The following CCDC148 variants were observed in gnomAD, a reference collection of about 807,000 sequenced individuals.
The protein encoded by CCDC148 is coiled-coil domain-containing protein 148.
In CCDC148, 89 loss-of-function variants were observed where a neutral mutation model predicts 85.7. That is an observed-to-expected ratio of 1.04 (90% CI 0.87 to 1.24). The LOEUF (loss-of-function observed/expected upper bound fraction) is 1.24, where lower values mean the gene tolerates loss of function less well. Ranked by LOEUF, CCDC148 falls within the 50% of genes most tolerant of loss-of-function variation. CCDC148 has a pLI of 0.00. For synonymous variants in CCDC148, 230 were observed against 213.9 expected, an observed-to-expected ratio of 1.08 and a Z score of -0.66; for missense variants, 692 against 671.7, an observed-to-expected ratio of 1.03 and a Z score of -0.33.
chr2:158,235,106 CAT>C lies in CCDC148; in HGVS notation c.1252-14395_1252-14394del, dbSNP rs147996034. Among the ~76,000 whole-genome samples, 716 of 152,232 alleles carry C rather than the reference CAT, an allele frequency of 4.7e-3. 1 individual carries two copies. The highest frequency in any genetic ancestry group is 0.016 in the African/African-American group (649 of 41,534). On this transcript the variant is annotated intron_variant, in intron 10 of 13. Transcript: ENST00000283233. ...AGTTTACCTACGTAACAAACCTGCA[CAT>C]GTGCCCCTAAACTTTAAATAAAAGT...
intron 7 of CCDC148, among the ~76,000 whole-genome samples, chr2:158,317,735 CA>C (rs370935007): frequency 1.9e-4 from 29 of 152,282 alleles, no homozygotes; most frequent in African/African-American, 6.7e-4. Context: ...ATACAGGTAA[CA>C]GATACTTTAA....
intron 7 of CCDC148, among the ~76,000 whole-genome samples, chr2:158,318,937 T>G (rs1486363449): frequency 6.6e-6 from 1 of 152,034 alleles, no homozygotes; most frequent in East Asian, 1.9e-4. Context: ...ACTCAGCTAA[T>G]TTTTTATTTT....
At chr2:158,379,175 G>C (rs1684773070) in intron 1 of CCDC148, among the ~76,000 whole-genome samples, 1 of 152,106 alleles carries the variant, frequency 6.6e-6, no homozygotes, top group Non-Finnish European at 1.5e-5. Flanking sequence ...ACAAGAGTTT[G>C]GAAGAGGTTG....
intron 1 of CCDC148, among the ~76,000 whole-genome samples, chr2:158,364,258 G>A (rs1684101102): frequency 6.6e-6 from 1 of 152,206 alleles, no homozygotes; most frequent in African/African-American, 2.4e-5. Flanking sequence ...TAGATTCAAT[G>A]CTATCCCTAT....
At chr2:158,326,197 G>A (rs890421413) in intron 7 of CCDC148, among the ~76,000 whole-genome samples, 5 of 151,872 alleles carry the variant, frequency 3.3e-5, no homozygotes, top group African/African-American at 4.8e-5. Context: ...GCATACTCCC[G>A]CCTCAGTAAA....
In CCDC148 at chr2:158,456,613, C is replaced by G; in HGVS notation, c.-174G>C. 2.6e-6 allele frequency: 2 copies of G among 781,648 alleles called. No individual in the cohort carries two copies. Among genetic ancestry groups the G allele is most frequent in the East Asian group, 2.7e-5 (1 of 36,614 alleles). The allele number at this position is 781,648 out of a possible 1,614,324, so 48.4% of individuals were successfully genotyped here. A position where few individuals can be genotyped will look rare whatever the true frequency, so the allele number is the denominator to read the frequency against. On this transcript the variant is annotated 5_prime_UTR_variant, in exon 1 of 14. Coordinates refer to ENST00000283233, the MANE Select transcript of CCDC148 (RefSeq NM_138803.4). Reference sequence around the variant, plus strand: ...GGGATTGGCAGTAAGGCAAGGAAAGCCTGCCCCAGATTTCAGAGCCAGCGC... The same window carrying G: ...GGGATTGGCAGTAAGGCAAGGAAAGGCTGCCCCAGATTTCAGAGCCAGCGC...
At chr2:158,276,002 A>G (rs1446082377) in intron 9 of CCDC148, among the ~76,000 whole-genome samples, 1 of 151,884 alleles carries the variant, frequency 6.6e-6, no homozygotes, top group Non-Finnish European at 1.5e-5. Flanking sequence ...AAAAAAAAAA[A>G]GAGTAAATGG....
At position 158,172,149 on chromosome 2, in the gene CCDC148, T is replaced by C. The variant is rs1449005747; in HGVS notation, c.1740A>G (p.Pro580=). 3 of 1,609,724 alleles carry C rather than the reference T, an allele frequency of 1.9e-6. No homozygotes were observed. Among genetic ancestry groups the C allele is most frequent in the Non-Finnish European group, 2.5e-6 (3 of 1,177,368 alleles). ...ILPKISPQKP[P]RKDMESTVFK... ...ATACAGTAGACTCCATGTCCTTTCTTGGAGGTTTTTGAGGACTAATTTTTG... is the reference window on the plus strand; with the variant it reads ...ATACAGTAGACTCCATGTCCTTTCTCGGAGGTTTTTGAGGACTAATTTTTG... Residue 580 remains proline (P), a synonymous_variant, in exon 14 of 14, where the codon CCA becomes CCG. Coordinates refer to ENST00000283233, the MANE Select transcript of CCDC148 (RefSeq NM_138803.4).
At chr2:158,277,540 T>G (rs1180286098) in intron 9 of CCDC148, among the ~76,000 whole-genome samples, 1 of 152,236 alleles carries the variant, frequency 6.6e-6, no homozygotes, top group Non-Finnish European at 1.5e-5. Flanking sequence ...CTACACCATG[T>G]CATTTACAGG....
At chr2:158,172,703 G>A (rs1416057511) in intron 13 of CCDC148, among the ~76,000 whole-genome samples, 1 of 151,958 alleles carries the variant, frequency 6.6e-6, no homozygotes, top group Admixed American at 6.6e-5. Context: ...GCCACCACTT[G>A]AAAAACAAAA....
intron 9 of CCDC148, among the ~76,000 whole-genome samples, chr2:158,254,183 G>C (rs1172827211): frequency 2.6e-5 from 4 of 151,656 alleles, no homozygotes; most frequent in Admixed American, 2.0e-4. Context: ...AATGTGAAAA[G>C]AAATTATGAG....
At chr2:158,175,788 T>C (rs1684549722) in intron 13 of CCDC148, among the ~76,000 whole-genome samples, 1 of 152,088 alleles carries the variant, frequency 6.6e-6, no homozygotes, top group Non-Finnish European at 1.5e-5. Flanking sequence ...ATTAAATAAT[T>C]ATTTAGCTTC....
intron 6 of CCDC148, 33 bp from the exon 7 acceptor site, chr2:158,338,940 A>G (rs771749465): frequency 4.4e-6 from 7 of 1,600,352 alleles, no homozygotes; most frequent in Admixed American, 1.7e-5. Flanking sequence ...TTTATTTAAC[A>G]TAAACGACAA....
At chr2:158,201,108 C>T (rs1260877447) in intron 11 of CCDC148, among the ~76,000 whole-genome samples, 2 of 152,028 alleles carry the variant, frequency 1.3e-5, no homozygotes, top group Non-Finnish European at 2.9e-5. Flanking sequence ...GTTTCCCTTA[C>T]TGTGATGCTT....
At position 158,444,467 on chromosome 2, in the gene CCDC148, T is replaced by G. The variant is rs139011818; in HGVS notation, c.25+11948A>C. Among the ~76,000 whole-genome samples, 748 of 151,858 alleles carry G rather than the reference T, an allele frequency of 4.9e-3. 3 individuals are homozygous for G. The highest frequency in any genetic ancestry group is 0.017 in the African/African-American group (712 of 41,434). ...ATTATGACATACCAACTAAAGAAAA[T>G]TATTTCTAGTGGTTTCAAAAAAGGG... On this transcript the variant is annotated intron_variant, in intron 1 of 13. Coordinates refer to ENST00000283233, the MANE Select transcript of CCDC148 (RefSeq NM_138803.4).
Position 158,418,486 on chromosome 2 carries a change from C to T in CCDC148, c.25+37929G>A, listed in dbSNP as rs113076635. 4.3e-3 allele frequency among the ~76,000 whole-genome samples: 662 copies of T among 152,254 alleles called. 3 individuals carry two copies. Among genetic ancestry groups the T allele is most frequent in the African/African-American group, 0.015 (611 of 41,556 alleles). On this transcript the variant is annotated intron_variant, in intron 1 of 13. Transcript: ENST00000283233. ...TAAAAACTATCCTAGTAACACCTTC[C>T]TTCTGTTCCTGGTATCTCCCAAGTT... is the stretch of plus-strand genomic sequence containing the variant.
chr2:158,289,615 CT>C (rs1157903477), intron 9 of CCDC148, among the ~76,000 whole-genome samples: 1 of 152,128 alleles, frequency 6.6e-6, no homozygotes, highest in Non-Finnish European at 1.5e-5. Context: ...ACAACAGGAT[CT>C]TTTATATGTA....
At chr2:158,286,060 A>T (rs1012005974) in intron 9 of CCDC148, among the ~76,000 whole-genome samples, 1 of 152,166 alleles carries the variant, frequency 6.6e-6, no homozygotes, top group Non-Finnish European at 1.5e-5. Context: ...GTACACAAAA[A>T]TTATTAGAAT....
intron 11 of CCDC148, among the ~76,000 whole-genome samples, chr2:158,193,442 G>T (rs1240981816): frequency 1.3e-5 from 2 of 152,004 alleles, no homozygotes; most frequent in African/African-American, 4.8e-5. Context: ...ATGGCTTGTG[G>T]AGTAATACCC....
Sources: allele counts gnomAD v4.1 joint callset (sites outside exome capture counted in the v4.1 genomes callset), GRCh38; gene constraint gnomAD v4.1.1; transcripts MANE v1.5; gene names NCBI Gene and HGNC (gene_info 2026-07-23, HGNC 2026-07-21).